Variants in CYP19A1 observed in about 807,000 individuals in gnomAD.
The protein encoded by CYP19A1 is cytochrome P450 family 19 subfamily A member 1.
CYP19A1 carries 32 observed loss-of-function variants against 44.4 expected under a neutral mutation model. The observed-to-expected ratio is 0.72, with a 90% CI of 0.54 to 0.97. The LOEUF (loss-of-function observed/expected upper bound fraction) is 0.97, where lower values mean the gene tolerates loss of function less well. CYP19A1 is among the 50% of genes least tolerant of loss of function. CYP19A1 has a pLI of 0.00. For synonymous variants in CYP19A1, 212 were observed against 215.6 expected, an observed-to-expected ratio of 0.98 and a Z score of 0.14; for missense variants, 598 against 637.8, an observed-to-expected ratio of 0.94 and a Z score of 0.67.
chr15:51,307,724 G>C (rs2141008866), intron 1 of CYP19A1, among the ~76,000 whole-genome samples: 1 of 152,262 alleles, frequency 6.6e-6, no homozygotes, highest in East Asian at 1.9e-4. Flanking sequence ...TGGAAATAGG[G>C]CCTCAAAAGA....
At chr15:51,258,493 C>A (rs986992928) in intron 1 of CYP19A1, among the ~76,000 whole-genome samples, 3 of 152,254 alleles carry the variant, frequency 2.0e-5, no homozygotes, top group Admixed American at 6.5e-5. Flanking sequence ...TATAAACTAT[C>A]CTGTATGTGC....
At chr15:51,240,886 CAT>C (rs374463527) in intron 2 of CYP19A1, among the ~76,000 whole-genome samples, 213 of 152,270 alleles carry the variant, frequency 1.4e-3, no homozygotes, top group African/African-American at 4.9e-3. Context: ...TCATGCTTGT[CAT>C]AGTGTTTTGT....
intron 4 of CYP19A1, among the ~76,000 whole-genome samples, chr15:51,224,555 T>C (rs1381652571): frequency 6.6e-6 from 1 of 152,220 alleles, no homozygotes; most frequent in African/African-American, 2.4e-5. Context: ...TCTACTACTG[T>C]AGGGTCTACC....
chr15:51,305,186 C>G (rs1023262166), intron 1 of CYP19A1, among the ~76,000 whole-genome samples: 2 of 152,010 alleles, frequency 1.3e-5, no homozygotes, highest in Non-Finnish European at 2.9e-5. Context: ...AGGCGTGATC[C>G]ATCGCGCCCG....
At chr15:51,237,161 C>T in intron 2 of CYP19A1, 152 bp from the exon 3 acceptor site, 1 of 848,098 alleles carries the variant, frequency 1.2e-6, no homozygotes, top group Non-Finnish European at 1.8e-6. Flanking sequence ...TGAAACAAAA[C>T]AAAACAAAAC....
Position 51,301,355 on chromosome 15 carries a change from CA to C in CYP19A1, c.-39+37139del, listed in dbSNP as rs1315006009. 1.1e-4 allele frequency among the ~76,000 whole-genome samples: 16 copies of C among 152,338 alleles called. No individual in the cohort carries two copies. In the South Asian group the frequency reaches 1.5e-3, roughly 14 times the overall value. On this transcript the variant is annotated intron_variant, in intron 1 of 9. Transcript: ENST00000396402. ...CTGAGATAGCACAAAGCTTCCTTTC[CA>C]AGTTAGATCAATTTAGCCTTTCTGG...
intron 9 of CYP19A1, among the ~76,000 whole-genome samples, chr15:51,212,016 G>A (rs1042633120): frequency 2.0e-5 from 3 of 152,164 alleles, no homozygotes; most frequent in African/African-American, 7.2e-5. Flanking sequence ...AAGTAGGTTG[G>A]TTGGGTTAAA....
chr15:51,263,117 AG>A (rs1020354296), intron 1 of CYP19A1, among the ~76,000 whole-genome samples: 1 of 152,242 alleles, frequency 6.6e-6, no homozygotes, highest in African/African-American at 2.4e-5. Flanking sequence ...TCAAGAATTT[AG>A]AATTTGGTAG....
intron 2 of CYP19A1, among the ~76,000 whole-genome samples, chr15:51,237,429 CTT>C (rs1488441296): frequency 6.6e-6 from 1 of 152,152 alleles, no homozygotes; most frequent in Non-Finnish European, 1.5e-5. Flanking sequence ...TTTCTGGAAA[CTT>C]TTGGTTTGAG....
In CYP19A1 at chr15:51,220,000, G is replaced by C. The variant is rs1595677754; in HGVS notation, c.629-1345C>G. Among the ~76,000 whole-genome samples the C allele has an allele frequency of 3.9e-5, 6 of 152,334 alleles. No homozygotes were observed. The South Asian group carries it at 1.2e-3, about 32-fold the overall frequency. ...GAAGTGTCTCCAGCTCTTGTATGGA[G>C]TAGCTGGAGTAGGGGAGATGCGGCA... On this transcript the variant is annotated intron_variant, in intron 5 of 9. Transcript: ENST00000396402.
chr15:51,325,326 T>C (rs1025217007), intron 1 of CYP19A1, among the ~76,000 whole-genome samples: 2 of 152,100 alleles, frequency 1.3e-5, no homozygotes, highest in Non-Finnish European at 2.9e-5. Context: ...TGGTGAGGAC[T>C]GAGGAGTCTG....
intron 1 of CYP19A1, among the ~76,000 whole-genome samples, chr15:51,315,415 G>A (rs2036406448): frequency 6.6e-6 from 1 of 151,662 alleles, no homozygotes; most frequent in Non-Finnish European, 1.5e-5. Context: ...TACACCCAGA[G>A]TACCCCCTCC....
At chr15:51,318,061 T>A (rs2036460101) in intron 1 of CYP19A1, among the ~76,000 whole-genome samples, 1 of 152,158 alleles carries the variant, frequency 6.6e-6, no homozygotes, top group African/African-American at 2.4e-5. Context: ...TATCCTTAAC[T>A]CAGAGCACTC....
intron 2 of CYP19A1, among the ~76,000 whole-genome samples, chr15:51,238,429 C>A (rs1428571798): frequency 6.6e-6 from 1 of 152,156 alleles, no homozygotes; most frequent in Non-Finnish European, 1.5e-5. Context: ...ACGAATGTTT[C>A]CTGAATAAAT....
In CYP19A1 at chr15:51,212,490, G is replaced by A. The variant is rs202076619; in HGVS notation, c.1093C>T (p.Arg365Trp). The A allele has an allele frequency of 6.3e-6, 10 of 1,589,978 alleles. No homozygotes were observed. The East Asian group carries it at 8.9e-5, about 14-fold the overall frequency. Residue 365 changes from arginine (R) to tryptophan (W), a missense_variant, in exon 9 of 10, where the codon CGG (arginine) becomes TGG (tryptophan). Transcript: ENST00000396402. ...VMENFIYESM[R>W]YQPVVDLVMR... ...ACCAAGTCCACGACAGGCTGGTACC[G>A]CATGCTCTCATAAATGAAGTTTTCC...
At chr15:51,281,265 A>C (rs1051824547) in intron 1 of CYP19A1, among the ~76,000 whole-genome samples, 7 of 152,204 alleles carry the variant, frequency 4.6e-5, no homozygotes, top group African/African-American at 1.4e-4. Flanking sequence ...TTCTCCAGGA[A>C]ACTGTTCTTA....
At chr15:51,281,851 A>C (rs1378289257) in intron 1 of CYP19A1, among the ~76,000 whole-genome samples, 2 of 152,246 alleles carry the variant, frequency 1.3e-5, no homozygotes, top group Non-Finnish European at 2.9e-5. Context: ...TACACCAATG[A>C]CATATACATT....
intron 1 of CYP19A1, among the ~76,000 whole-genome samples, chr15:51,246,677 G>A (rs2141132862): frequency 6.6e-6 from 1 of 152,292 alleles, no homozygotes; most frequent in East Asian, 1.9e-4. Context: ...AGATCCCCTA[G>A]TACAGCTATA....
chr15:51,312,004 A>G (rs1028354777), intron 1 of CYP19A1, among the ~76,000 whole-genome samples: 1 of 152,226 alleles, frequency 6.6e-6, no homozygotes, highest in African/African-American at 2.4e-5. Context: ...GCTATGAAAC[A>G]AAAAACTGCT....
Sources: gnomAD v4.1 joint callset for allele counts (sites outside exome capture counted in the v4.1 genomes callset) on GRCh38, gnomAD v4.1.1 for gene constraint, MANE v1.5 for transcripts, NCBI Gene and HGNC (gene_info 2026-07-23, HGNC 2026-07-21) for gene names.